CCDC15: variants seen among roughly 807,000 people sequenced by gnomAD.
The protein encoded by CCDC15 is coiled-coil domain containing 15.
In CCDC15, 105 loss-of-function variants were observed where a neutral mutation model predicts 114.5. That is an observed-to-expected ratio of 0.92 (90% CI 0.78 to 1.08). CCDC15 has a LOEUF of 1.08. Among genes scored for constraint, CCDC15 ranks in the 50% least tolerant of loss-of-function variants. The pLI is 0.00. For missense variants in CCDC15, 1,105 were observed against 1,093.6 expected, an observed-to-expected ratio of 1.01 and a Z score of -0.15; for synonymous variants, 334 against 377.8, an observed-to-expected ratio of 0.88 and a Z score of 1.34.
chr11:125,008,778 C>CGAG (rs1474699971), intron 13 of CCDC15, among the ~76,000 whole-genome samples: 1 of 151,582 alleles, frequency 6.6e-6, no homozygotes, highest in Admixed American at 6.6e-5. Context: ...CTGCAACCTC[C>CGAG]GCCTCCCTGG....
intron 2 of CCDC15, among the ~76,000 whole-genome samples, chr11:124,958,365 T>A (rs1028577948): frequency 2.1e-5 from 3 of 141,758 alleles, no homozygotes; most frequent in African/African-American, 5.5e-5. Context: ...AGTTTTTTTG[T>A]GATTTTTTTT....
chr11:125,003,613 T>C (rs1441186730), intron 11 of CCDC15, among the ~76,000 whole-genome samples: 1 of 152,024 alleles, frequency 6.6e-6, no homozygotes, highest in African/African-American at 2.4e-5. Context: ...TCTGAACATT[T>C]TAATTTTTTG....
At chr11:125,004,660 C>T (rs535275127) in intron 12 of CCDC15, among the ~76,000 whole-genome samples, 1 of 152,000 alleles carries the variant, frequency 6.6e-6, no homozygotes, top group Admixed American at 6.6e-5. Context: ...GAGTCTGAGG[C>T]TTTAGTATAC....
At chr11:125,023,592 C>A (rs1400735956) in intron 13 of CCDC15, among the ~76,000 whole-genome samples, 2 of 151,998 alleles carry the variant, frequency 1.3e-5, no homozygotes, top group African/African-American at 4.8e-5. Context: ...CCATGAAATA[C>A]CAGCTCATAC....
chr11:125,012,104 G>T (rs988752102), intron 13 of CCDC15, among the ~76,000 whole-genome samples: 1 of 152,188 alleles, frequency 6.6e-6, no homozygotes, highest in Non-Finnish European at 1.5e-5. Context: ...GGAAGACAAA[G>T]GTGGGGAACA....
intron 5 of CCDC15, among the ~76,000 whole-genome samples, chr11:124,976,753 T>C (rs956943607): frequency 6.6e-6 from 1 of 152,150 alleles, no homozygotes; most frequent in African/African-American, 2.4e-5. Context: ...AATTATCCAA[T>C]AGACGGGAGG....
chr11:125,009,790 T>C (rs1948576827), intron 13 of CCDC15, among the ~76,000 whole-genome samples: 1 of 152,222 alleles, frequency 6.6e-6, no homozygotes, highest in Non-Finnish European at 1.5e-5. Flanking sequence ...TCGCTTAGGA[T>C]AATGGCTTCC....
intron 13 of CCDC15, among the ~76,000 whole-genome samples, chr11:125,023,624 A>T (rs996669196): frequency 2.7e-4 from 41 of 152,054 alleles, no homozygotes; most frequent in African/African-American, 9.7e-4. Flanking sequence ...GCTATAATTT[A>T]AAAAACGACA....
intron 13 of CCDC15, among the ~76,000 whole-genome samples, chr11:125,011,170 A>G (rs567402213): frequency 1.3e-5 from 2 of 151,678 alleles, no homozygotes; most frequent in African/African-American, 4.8e-5. Flanking sequence ...CTCTTGTATT[A>G]CTAACAAGTT....
intron 13 of CCDC15, among the ~76,000 whole-genome samples, chr11:125,016,664 A>G (rs141494470): frequency 0.017 from 2,612 of 152,288 alleles, 58 homozygotes; most frequent in Non-Finnish European, 0.022. Context: ...ATATGTAAGC[A>G]TTTTACAGGC....
intron 11 of CCDC15, among the ~76,000 whole-genome samples, chr11:124,998,203 C>G (rs946939814): frequency 6.6e-6 from 1 of 152,196 alleles, no homozygotes; most frequent in Non-Finnish European, 1.5e-5. Context: ...GAATCCCTCT[C>G]TCCATGTTGT....
chr11:125,003,386 A>G (rs1216899453), intron 11 of CCDC15, among the ~76,000 whole-genome samples: 2 of 152,032 alleles, frequency 1.3e-5, no homozygotes, highest in Non-Finnish European at 2.9e-5. Context: ...AGGCTTTCCC[A>G]GTAAACATGG....
chr11:124,976,625 GA>G (rs548673326), intron 5 of CCDC15, among the ~76,000 whole-genome samples: 7 of 149,492 alleles, frequency 4.7e-5, no homozygotes, highest in Non-Finnish European at 8.9e-5. Flanking sequence ...TACTAAATCA[GA>G]AAAAAAAACA....
intron 13 of CCDC15, among the ~76,000 whole-genome samples, chr11:125,022,689 A>G (rs1362500022): frequency 6.6e-6 from 1 of 151,940 alleles, no homozygotes; most frequent in African/African-American, 2.4e-5. Context: ...CCTGCCACAA[A>G]TGGATAGAAG....
chr11:125,003,798 A>G (rs1443122400), intron 11 of CCDC15, 69 bp from the exon 12 acceptor site: 3 of 820,456 alleles, frequency 3.7e-6, no homozygotes, highest in East Asian at 3.1e-5. Context: ...ACAGATAAAA[A>G]TATCAAAATT....
intron 13 of CCDC15, among the ~76,000 whole-genome samples, chr11:125,028,130 T>C (rs1032482103): frequency 2.0e-5 from 3 of 152,200 alleles, no homozygotes; most frequent in Non-Finnish European, 4.4e-5. Context: ...GCACTAAGTA[T>C]GTACCCATAC....
chr11:124,959,978 A>C lies in CCDC15; in HGVS notation c.491A>C (p.Glu164Ala). 1 of 1,571,048 alleles carries C rather than the reference A, an allele frequency of 6.4e-7. No homozygotes were observed. Among genetic ancestry groups the C allele is most frequent in the Non-Finnish European group, 8.6e-7 (1 of 1,156,516 alleles). The change falls in exon 4 of 16, where the codon GAA becomes GCA. Residue 164 changes from glutamate to alanine, a missense_variant. Physicochemically the swap from Glu to Ala is moderately radical, Grantham distance 107 (BLOSUM62 -1). Coordinates refer to ENST00000344762, the MANE Select transcript of CCDC15 (RefSeq NM_025004.3). ...DGIEDEENQN[E>A]LFQQQAQALS... ...ATAGAGGATGAAGAGAATCAGAACG[A>C]ATTATTCCAACAACAAGCCCAGGCT...
chr11:124,966,463 C>CTT lies in CCDC15; in HGVS notation c.516+6470_516+6471dup, dbSNP rs906108875. ...TCAGAGACTAGGATTGCAACCCCTGCTTTTTTTTTTTGTTTGTTTTCCATT... is the reference window on the plus strand; with the variant it reads ...TCAGAGACTAGGATTGCAACCCCTGCTTTTTTTTTTTTTGTTTGTTTTCCATT... On this transcript the variant is annotated intron_variant, in intron 4 of 15. Coordinates refer to ENST00000344762, the MANE Select transcript of CCDC15 (RefSeq NM_025004.3). Among the ~76,000 whole-genome samples, 7 of 137,920 alleles carry CTT rather than the reference C, an allele frequency of 5.1e-5. 1 individual carries two copies. Among genetic ancestry groups the CTT allele is most frequent in the African/African-American group, 1.4e-4 (5 of 35,110 alleles). 90.5% of individuals were successfully genotyped at this position (137,920 alleles called of 152,430 possible).
In CCDC15 at chr11:124,988,001, A is replaced by G. The variant is rs941104828; in HGVS notation, c.1775A>G (p.Tyr592Cys). The change falls in exon 8 of 16, where the codon TAT (tyrosine) becomes TGT (cysteine). Residue 592 changes from tyrosine (Y) to cysteine (C), a missense_variant. Tyr to Cys is a radical substitution (Grantham distance 194). Transcript: ENST00000344762. ...DQDFLPRDQG[Y>C]LPKDQNILPI... ...GATTTTCTACCCAGAGACCAAGGTT[A>G]TCTTCCTAAAGACCAAAATATTCTA... 6.2e-7 allele frequency: 1 copy of G among 1,613,314 alleles called. No homozygotes were observed. The highest frequency in any genetic ancestry group is 1.7e-5 in the Admixed American group (1 of 59,964).
Sources: allele counts gnomAD v4.1 joint callset (sites outside exome capture counted in the v4.1 genomes callset), GRCh38; gene constraint gnomAD v4.1.1; transcripts MANE v1.5; gene names NCBI Gene and HGNC (gene_info 2026-07-23, HGNC 2026-07-21).